HPS1: variants seen among roughly 807,000 people sequenced by gnomAD.
The protein encoded by HPS1 is BLOC-3 complex member HPS1.
Under a neutral mutation model 90.6 loss-of-function variants are expected in HPS1, and 59 were observed. The observed-to-expected ratio is 0.65, with a 90% CI of 0.53 to 0.81. HPS1 has a LOEUF of 0.81. HPS1 is among the 30% of genes least tolerant of loss of function. HPS1 has a pLI of 0.00. For missense variants in HPS1, 849 were observed against 896.7 expected (o/e 0.95, Z 0.68); for synonymous variants, 388 against 384.4 (o/e 1.01, Z -0.11).
At chr10:98,440,828 G>T (rs1938288746) in intron 3 of HPS1, among the ~76,000 whole-genome samples, 1 of 152,030 alleles carries the variant, frequency 6.6e-6, no homozygotes. Flanking sequence ...CAATAAAGAG[G>T]AAGAGAAAGG....
At chr10:98,438,912 G>C (rs1446720961) in intron 3 of HPS1, among the ~76,000 whole-genome samples, 1 of 152,212 alleles carries the variant, frequency 6.6e-6, no homozygotes, top group Admixed American at 6.5e-5. Flanking sequence ...GGGCCTTGCT[G>C]CTTTGTGCAC....
Position 98,422,468 on chromosome 10 carries a change from G to A in HPS1, c.1644C>T (p.Asp548=). 1 of 1,614,084 alleles carries A rather than the reference G, an allele frequency of 6.2e-7. No homozygotes were observed. Among genetic ancestry groups the A allele is most frequent in the South Asian group, 1.1e-5 (1 of 91,088 alleles). Residue 548 remains aspartate (D), a synonymous_variant, in exon 17 of 20, where the codon GAC becomes GAT. Transcript: ENST00000361490. ...GCGCCACCATCTGCCCAGTGGTGCGGTCCACATAGATGAAGTGCACCAAGC... is the reference window on the plus strand; with the variant it reads ...GCGCCACCATCTGCCCAGTGGTGCGATCCACATAGATGAAGTGCACCAAGC... ...FPGLVHFIYV[D]RTTGQMVAPS...
rs1252329292 is a variant in HPS1 at position 98,417,898 on chromosome 10, T to A, written c.1941-172A>T. 6.6e-6 allele frequency among the ~76,000 whole-genome samples: 1 copy of A among 152,178 alleles called. No individual in the cohort carries two copies. Among genetic ancestry groups the A allele is most frequent in the African/African-American group, 2.4e-5 (1 of 41,434 alleles). ...GTTCCTCACTGACCTAACAGTGGCA[T>A]CCTGGCTACGAGGTAGCAGTGGGGA... is the stretch of plus-strand genomic sequence containing the variant. On this transcript the variant is annotated intron_variant, in intron 19 of 19. Transcript: ENST00000361490. This position sits in a 1 kb window ranked among gnomAD's most constrained non-coding sequence, Gnocchi z 4.2.
At chr10:98,421,985 C>CAT (rs1450652687) in intron 17 of HPS1, among the ~76,000 whole-genome samples, 2 of 93,890 alleles carry the variant, frequency 2.1e-5, no homozygotes, top group African/African-American at 6.5e-5. Flanking sequence ...CACAGACACA[C>CAT]ACACACACAC....
chr10:98,420,320 A>C, intron 17 of HPS1, 162 bp from the exon 18 acceptor site: 1 of 668,510 alleles, frequency 1.5e-6, no homozygotes, highest in Non-Finnish European at 2.7e-6. Context: ...GAGGCTCAAC[A>C]ATAAATCATT....
chr10:98,415,394 C>A (rs1438759465), downstream of HPS1, among the ~76,000 whole-genome samples: 2 of 152,262 alleles, frequency 1.3e-5, no homozygotes, highest in Admixed American at 6.5e-5. Flanking sequence ...AACTGACAAT[C>A]CACTGGGGTT....
rs1332934412 is a variant in HPS1 at position 98,435,117 on chromosome 10, G to A, written c.398+155C>T. ...ATAAAGTCAGAGGGTCAGACCAGAT[G>A]GTCTCCAAGGTTCACTTGAGCTGTT... On this transcript the variant is annotated intron_variant, in intron 5 of 19. Transcript: ENST00000361490. The surrounding 1 kb of genome is among the most constrained non-coding windows in gnomAD (Gnocchi z 4.3). 19 of 792,236 alleles carry A rather than the reference G, an allele frequency of 2.4e-5. No individual in the cohort carries two copies. The highest frequency in any genetic ancestry group is 3.2e-5 in the Non-Finnish European group (15 of 472,122). 49.1% of individuals were successfully genotyped at this position (792,236 alleles called of 1,614,324 possible).
intron 6 of HPS1, among the ~76,000 whole-genome samples, chr10:98,432,029 C>T (rs1846545507): frequency 6.6e-6 from 1 of 152,190 alleles, no homozygotes; most frequent in South Asian, 2.1e-4. Context: ...TCAACAGCCA[C>T]ATGCAGCTAA....
rs148272886 is a variant in HPS1 at position 98,427,583 on chromosome 10, C to A, written c.938-319G>T. On this transcript the variant is annotated intron_variant, in intron 10 of 19. Transcript: ENST00000361490. ...GGGTAGAGGGGCATCTTCCTCCCCC[C>A]TCCCTTGCCCCCAATCCCCTCCTTG... is the stretch of plus-strand genomic sequence containing the variant. Among the ~76,000 whole-genome samples, 473 of 152,270 alleles carry A rather than the reference C, an allele frequency of 3.1e-3. 1 individual carries two copies. The highest frequency in any genetic ancestry group is 5.0e-3 in the Non-Finnish European group (338 of 68,004).
At position 98,435,274 on chromosome 10, in the gene HPS1, C is replaced by T. The variant is rs1417465501; in HGVS notation, c.396G>A (p.Lys132=). ...LVTVDGHLIR[K]ELRPPDLAQR... ...GGGGACCAGCTTTGAAGACTCACTC[C>T]TTTCGGATAAGATGACCGTCCACAG... The change falls in exon 5 of 20, where the codon AAG becomes AAA. Residue 132 remains lysine, a splice_region_variant and synonymous_variant. Transcript: ENST00000361490. The surrounding 1 kb of genome is among the most constrained non-coding windows in gnomAD (Gnocchi z 4.3). The T allele has an allele frequency of 6.2e-7, 1 of 1,614,048 alleles. No individual in the cohort carries two copies. The highest frequency in any genetic ancestry group is 1.1e-5 in the South Asian group (1 of 91,078).
chr10:98,446,204 G>A (rs909346252), intron 1 of HPS1, among the ~76,000 whole-genome samples: 1 of 151,882 alleles, frequency 6.6e-6, no homozygotes, highest in African/African-American at 2.4e-5. Context: ...GCCTTTAGCA[G>A]CCGAACCCTG....
intron 3 of HPS1, among the ~76,000 whole-genome samples, chr10:98,441,271 T>C (rs1938370031): frequency 6.6e-6 from 1 of 152,142 alleles, no homozygotes. Flanking sequence ...ATTATGTAAG[T>C]GAAAATGACA....
rs1298578103 is a variant in HPS1, at chr10:98,433,986, C to T, written c.504G>A (p.Val168=). The T allele has an allele frequency of 6.4e-7, 1 of 1,557,034 alleles. No individual in the cohort carries two copies. The highest frequency in any genetic ancestry group is 1.7e-4 in the Middle Eastern group (1 of 6,000). ...RLREQEQCFA[V]EALERLIHPQ... is the part of the protein sequence containing the mutation. ...GACTCCCGCGCCCAGTAGTCACCTC[C>T]ACGGCGAAGCACTGCTCCTGCTCCC... is the stretch of plus-strand genomic sequence containing the variant. The change falls in exon 6 of 20, where the codon GTG becomes GTA. Residue 168 remains valine, a synonymous_variant. Transcript: ENST00000361490.
rs1278834481 is a variant in HPS1, at chr10:98,423,811, T to TG, written c.1473dup (p.Ser492GlnfsTer90). 5.0e-6 allele frequency: 8 copies of TG among 1,614,012 alleles called. No homozygotes were observed. Among genetic ancestry groups the TG allele is most frequent in the Non-Finnish European group, 6.8e-6 (8 of 1,180,024 alleles). On this transcript the variant is annotated frameshift_variant, in exon 15 of 20. Coordinates refer to ENST00000361490, the MANE Select transcript of HPS1 (RefSeq NM_000195.5). LOFTEE classifies it high-confidence loss of function. Reference sequence around the variant, plus strand: ...TGGGGCAGGTGTGGGCCTCCCCTGCTGGGGGCTGTGGTCAGAAAGTTCAGC... The same window carrying TG: ...TGGGGCAGGTGTGGGCCTCCCCTGCTGGGGGGCTGTGGTCAGAAAGTTCAGC...
chr10:98,415,189 T>C, downstream of HPS1: 1 of 1,592,328 alleles, frequency 6.3e-7, no homozygotes, highest in Non-Finnish European at 8.5e-7. Flanking sequence ...GATTGGCTTT[T>C]GTGCTGCCCT....
At chr10:98,443,558 C>A (rs1938840821) in intron 2 of HPS1, among the ~76,000 whole-genome samples, 1 of 152,196 alleles carries the variant, frequency 6.6e-6, no homozygotes, top group African/African-American at 2.4e-5. Context: ...AGCAACAGAC[C>A]CACCACGGGG....
rs1318989724 is a variant in HPS1, at chr10:98,435,743, G to C, written c.147C>G (p.Thr49=). 1 of 1,614,208 alleles carries C rather than the reference G, an allele frequency of 6.2e-7. No individual in the cohort carries two copies. The highest frequency in any genetic ancestry group is 8.5e-7 in the Non-Finnish European group (1 of 1,180,034). Residue 49 remains threonine, a synonymous_variant, in exon 4 of 20, where the codon ACC becomes ACG. Transcript: ENST00000361490. This position sits in a 1 kb window ranked among gnomAD's most constrained non-coding sequence, Gnocchi z 4.3. ...ELPALEDQLS[T]LLAPVIISSM... is the part of the protein sequence containing the mutation. ...AGGAGATGATGACCGGGGCTAGGAG[G>C]GTGCTGAGCTGGTCCTCCAGGGCAG...
chr10:98,414,351 C>T (rs1359297531), downstream of HPS1: 1 of 152,224 alleles, frequency 6.6e-6, no homozygotes, highest in South Asian at 2.1e-4. Flanking sequence ...GGGCCTGCCT[C>T]TTCCCCTAGC....
At position 98,423,740 on chromosome 10, in the gene HPS1, G is replaced by A. The variant is rs202086569; in HGVS notation, c.1532+13C>T. On this transcript the variant is annotated intron_variant, in intron 15 of 19. Transcript: ENST00000361490. The stretch of plus-strand genomic sequence containing the variant: ...CCCTGCCCTGGCCACCCAGGGGGCC[G>A]CACTGCACTTACCGCATGAGCCTCT... The A allele has an allele frequency of 5.6e-5, 91 of 1,614,046 alleles. No homozygotes were observed. Among genetic ancestry groups the A allele is most frequent in the Non-Finnish European group, 6.8e-5 (80 of 1,180,016 alleles).
Sources: gnomAD v4.1 joint callset for allele counts (sites outside exome capture counted in the v4.1 genomes callset) on GRCh38, gnomAD v4.1.1 for gene constraint, Gnocchi (gnomAD v3.1) non-coding constraint, MANE v1.5 for transcripts, NCBI Gene and HGNC (gene_info 2026-07-23, HGNC 2026-07-21) for gene names.